The following SYNE2 variants were observed in gnomAD, a reference collection of about 807,000 sequenced individuals.
SYNE2 encodes nesprin-2.
In SYNE2, 431 loss-of-function variants were observed where a neutral mutation model predicts 856.3. That is an observed-to-expected ratio of 0.50 (90% CI 0.47 to 0.55). The LOEUF is 0.55. SYNE2 is among the 20% of genes least tolerant of loss of function. The pLI is 0.00. For missense variants in SYNE2, 8,129 were observed against 8,023.2 expected, an observed-to-expected ratio of 1.01 and a Z score of -0.50; for synonymous variants, 2,923 against 2,872.3, an observed-to-expected ratio of 1.02 and a Z score of -0.56.
rs529012269 is a variant in SYNE2 at position 64,052,061 on chromosome 14, G to T, written c.8148G>T (p.Leu2716Phe). 10 of 1,614,144 alleles carry T rather than the reference G, an allele frequency of 6.2e-6. No individual in the cohort carries two copies. In the African/African-American group the frequency reaches 1.2e-4, roughly 19 times the overall value. ...INNLKKQWETLEPLHLEAENQ... is the reference protein window; with the variant it reads ...INNLKKQWETFEPLHLEAENQ... ...ACTTGAAGAAACAATGGGAAACATTGGAGCCATTACACTTAGAAGCAGAAA... is the reference window on the plus strand; with the variant it reads ...ACTTGAAGAAACAATGGGAAACATTTGAGCCATTACACTTAGAAGCAGAAA... Residue 2716 changes from leucine (L) to phenylalanine (F), a missense_variant, in exon 48 of 116, where the codon TTG becomes TTT. By Grantham distance (22) the Leu-to-Phe change is conservative (BLOSUM62 0). Around this residue, in one of 3 missense-constraint regions of SYNE2, gnomAD observed 5,410 missense variants for 5,284.8 expected, o/e 1.02. Transcript: ENST00000555002.
In SYNE2 at chr14:64,216,304, G is replaced by C. The variant is rs771020502; in HGVS notation, c.19459G>C (p.Glu6487Gln). ...WHVPDSPSCP[E>Q]HHYKQMEGDR... ...TGTTCCCGACAGCCCTTCCTGTCCC[G>C]AGCATCACTACAAGCAAATGGAAGG... Residue 6487 changes from glutamate to glutamine, a missense_variant, in exon 108 of 116, where the codon GAG becomes CAG. Around this residue, in one of 3 missense-constraint regions of SYNE2, gnomAD observed 5,410 missense variants for 5,284.8 expected, o/e 1.02. Coordinates refer to ENST00000555002, the MANE Select transcript of SYNE2 (RefSeq NM_182914.3). 3.1e-6 allele frequency: 5 copies of C among 1,614,092 alleles called. No homozygotes were observed. The highest frequency in any genetic ancestry group is 4.2e-6 in the Non-Finnish European group (5 of 1,180,034).
chr14:64,044,912 A>G (rs1489439731), intron 45 of SYNE2, among the ~76,000 whole-genome samples: 2 of 152,206 alleles, frequency 1.3e-5, no homozygotes, highest in Non-Finnish European at 2.9e-5. Context: ...TACCAGCAAC[A>G]TGCAAACGGC....
chr14:64,092,014 G>A (rs1360495586), intron 60 of SYNE2, among the ~76,000 whole-genome samples: 2 of 152,050 alleles, frequency 1.3e-5, no homozygotes, highest in African/African-American at 4.8e-5. Context: ...AGTTTCTCTG[G>A]TCTGGCTGCT....
At chr14:64,109,362 T>C (rs2097790838) in intron 65 of SYNE2, among the ~76,000 whole-genome samples, 2 of 151,992 alleles carry the variant, frequency 1.3e-5, no homozygotes, top group Admixed American at 6.6e-5. Flanking sequence ...TTACATATAC[T>C]ATCTCTTTTA....
chr14:64,107,614 C>A lies in SYNE2; in HGVS notation c.12609+7C>A. The stretch of plus-strand genomic sequence containing the variant: ...GCCCAACCAAACAGAAGAGGTAAGT[C>A]CTGGTTGGTAATAAGTAAACTGCTC... On this transcript the variant is annotated splice_region_variant and intron_variant, in intron 65 of 115. Transcript: ENST00000555002. The A allele has an allele frequency of 6.2e-7, 1 of 1,609,414 alleles. No individual in the cohort carries two copies. Among genetic ancestry groups the A allele is most frequent in the Non-Finnish European group, 8.5e-7 (1 of 1,175,714 alleles).
intron 1 of SYNE2, among the ~76,000 whole-genome samples, chr14:63,836,172 C>A (rs1029816758): frequency 3.3e-5 from 5 of 152,072 alleles, no homozygotes; most frequent in Non-Finnish European, 7.4e-5. Flanking sequence ...CAGGCATGTG[C>A]CACTATGCCT....
Position 63,784,711 on chromosome 14 carries a change from C to T in SYNE2, c.-305+22725C>T, listed in dbSNP as rs148643808. ...TTTATGCTGAGTGAAGTGGCTCATG[C>T]CTGCAATCCCAGCATTTTGGGAGGC... On this transcript the variant is annotated intron_variant, in intron 1 of 23. Coordinates refer to the SYNE2 transcript ENST00000674003. Among the ~76,000 whole-genome samples, 29 of 152,168 alleles carry T rather than the reference C, an allele frequency of 1.9e-4. No individual in the cohort carries two copies. The East Asian group carries it at 5.0e-3, about 26-fold the overall frequency.
intron 29 of SYNE2, among the ~76,000 whole-genome samples, 194 bp downstream of exon 29, chr14:64,002,275 C>T (rs1008599730): frequency 1.3e-5 from 2 of 151,836 alleles, no homozygotes; most frequent in Non-Finnish European, 2.9e-5. Flanking sequence ...AGGTGGGCAC[C>T]GTGGAGTGCA....
intron 57 of SYNE2, among the ~76,000 whole-genome samples, chr14:64,082,786 C>T (rs1306414262): frequency 6.6e-6 from 1 of 152,162 alleles, no homozygotes; most frequent in Non-Finnish European, 1.5e-5. Flanking sequence ...CAATAGAAAA[C>T]GAACCCATGG....
At chr14:64,134,346 A>C in intron 78 of SYNE2, 146 bp downstream of exon 78, 1 of 927,782 alleles carries the variant, frequency 1.1e-6, no homozygotes, top group South Asian at 1.3e-5. Context: ...ATTCAGGGAG[A>C]CTACAGATTT....
chr14:64,053,199 T>G lies in SYNE2; in HGVS notation c.9286T>G (p.Cys3096Gly). The G allele has an allele frequency of 1.2e-6, 2 of 1,613,924 alleles. No individual in the cohort carries two copies. The change falls in exon 48 of 116, where the codon TGT (cysteine) becomes GGT (glycine). Residue 3096 changes from cysteine to glycine, a missense_variant. Transcript: ENST00000555002. ...ILSQRIEKAK[C>G]LCDEIIKKLN... Reference sequence around the variant, plus strand: ...AAGTCAGAGAATTGAGAAAGCCAAGTGTTTATGTGATGAGATAATAAAGAA... The same window carrying G: ...AAGTCAGAGAATTGAGAAAGCCAAGGGTTTATGTGATGAGATAATAAAGAA...
intron 94 of SYNE2, chr14:64,173,964 C>T (rs993399776): frequency 5.7e-6 from 4 of 695,868 alleles, no homozygotes; most frequent in African/African-American, 3.5e-5. Context: ...ACTCTCTGCA[C>T]ACTGCCTGCG....
intron 16 of SYNE2, 28 bp downstream of exon 16, chr14:63,981,201 A>C: frequency 1.3e-6 from 2 of 1,563,834 alleles, no homozygotes; most frequent in South Asian, 1.1e-5. Context: ...GCATCTGCTC[A>C]ATTTTATTTT....
intron 60 of SYNE2, 115 bp from the exon 61 acceptor site, chr14:64,093,234 T>C: frequency 8.4e-7 from 1 of 1,183,538 alleles, no homozygotes; most frequent in Non-Finnish European, 1.2e-6. Context: ...GAAATCTCAA[T>C]GGGTGCATAT....
At chr14:63,950,072 A>T (rs763870535) in intron 7 of SYNE2, 66 bp downstream of exon 7, 42 of 1,493,824 alleles carry the variant, frequency 2.8e-5, no homozygotes, top group African/African-American at 8.3e-5. Flanking sequence ...CCACCTCACC[A>T]CCCAAACACC....
intron 1 of SYNE2, among the ~76,000 whole-genome samples, chr14:63,839,191 G>A (rs139669322): frequency 2.1e-4 from 32 of 152,014 alleles, no homozygotes; most frequent in Admixed American, 2.0e-4. Flanking sequence ...CACCATGCCC[G>A]GCTAATTTTT....
intron 1 of SYNE2, among the ~76,000 whole-genome samples, chr14:63,778,592 G>A (rs1190539123): frequency 2.0e-5 from 3 of 152,070 alleles, no homozygotes. Flanking sequence ...ATAGCTCACT[G>A]CAGCTTCAAC....
At chr14:64,193,190 A>T (rs1020603716) in intron 99 of SYNE2, among the ~76,000 whole-genome samples, 9 of 152,212 alleles carry the variant, frequency 5.9e-5, no homozygotes, top group African/African-American at 2.2e-4. Flanking sequence ...GACACCATGT[A>T]GCCTCTTCCA....
intron 1 of SYNE2, among the ~76,000 whole-genome samples, chr14:63,810,166 G>T (rs1888559315): frequency 6.6e-6 from 1 of 151,752 alleles, no homozygotes; most frequent in Non-Finnish European, 1.5e-5. Flanking sequence ...TGAGGCTGCA[G>T]TGAGCTAAGA....
Sources: gnomAD v4.1 joint callset for allele counts (sites outside exome capture counted in the v4.1 genomes callset) on GRCh38, gnomAD v4.1.1 for gene constraint, gnomAD v4.1.1 regional missense constraint, MANE v1.5 for transcripts, NCBI Gene and HGNC (gene_info 2026-07-23, HGNC 2026-07-21) for gene names.